ACSM3: variants seen among roughly 807,000 people sequenced by gnomAD.
ACSM3 encodes the protein acyl-coenzyme A synthetase ACSM3, mitochondrial.
Under a neutral mutation model 74.1 loss-of-function variants are expected in ACSM3, and 61 were observed. That is an observed-to-expected ratio of 0.82 (90% CI 0.67 to 1.02). The LOEUF (loss-of-function observed/expected upper bound fraction) is 1.02. Ranked by LOEUF, ACSM3 falls within the 50% of genes least tolerant of loss-of-function variation. The pLI, the probability that ACSM3 is intolerant of heterozygous loss-of-function variation, is 0.00. For synonymous variants in ACSM3, 213 were observed against 241.5 expected, an observed-to-expected ratio of 0.88 and a Z score of 1.09; for missense variants, 660 against 697.0, an observed-to-expected ratio of 0.95 and a Z score of 0.60.
In ACSM3 at chr16:20,782,381, T is replaced by C. The variant is rs555517974; in HGVS notation, c.1019+594T>C. On this transcript the variant is annotated intron_variant, in intron 7 of 13. Transcript: ENST00000289416. ...ACACTGTACTCAATGTATAGTCTTT[T>C]ATCCCTCACCCACCTCCCACCCTTT... 2.6e-5 allele frequency among the ~76,000 whole-genome samples: 4 copies of C among 152,288 alleles called. No homozygotes were observed. The South Asian group carries it at 8.3e-4, about 32-fold the overall frequency.
intron 1 of ACSM3, chr16:20,741,953 C>T (rs1021749842): frequency 4.6e-6 from 7 of 1,531,102 alleles, no homozygotes; most frequent in African/African-American, 1.4e-5. Context: ...CCTGCCCCGC[C>T]TCCCGACTGC....
chr16:20,730,863 T>G (rs34134130), intron 1 of ACSM3, among the ~76,000 whole-genome samples: 19,791 of 152,150 alleles, frequency 0.13, 1,348 homozygotes, highest in East Asian at 0.21. Flanking sequence ...TGTTTCATTT[T>G]GTTTTGTTTT....
At chr16:20,787,447 C>G (rs1351728689) in intron 9 of ACSM3, among the ~76,000 whole-genome samples, 1 of 152,164 alleles carries the variant, frequency 6.6e-6, no homozygotes, top group Non-Finnish European at 1.5e-5. Context: ...ATAAATGTTT[C>G]CCAAGCTTGT....
intron 1 of ACSM3, among the ~76,000 whole-genome samples, chr16:20,689,867 G>A (rs1331678045): frequency 3.3e-5 from 5 of 152,146 alleles, no homozygotes; most frequent in Non-Finnish European, 7.3e-5. Flanking sequence ...ATAATGGATT[G>A]TGAAATCAGA....
intron 7 of ACSM3, among the ~76,000 whole-genome samples, chr16:20,782,598 C>T (rs759376015): frequency 3.3e-5 from 5 of 152,200 alleles, no homozygotes; most frequent in Non-Finnish European, 7.3e-5. Flanking sequence ...TTCAGTCTGA[C>T]ATTATCTCCG....
chr16:20,706,336 T>C (rs894645196), intron 1 of ACSM3, among the ~76,000 whole-genome samples: 10 of 152,124 alleles, frequency 6.6e-5, no homozygotes, highest in African/African-American at 2.4e-4. Flanking sequence ...AAATGATACA[T>C]TACACATGTG....
At chr16:20,789,487 A>G (rs371865528) in intron 9 of ACSM3, 2 of 1,612,270 alleles carry the variant, frequency 1.2e-6, no homozygotes, top group African/African-American at 2.7e-5. Flanking sequence ...ACCATTGTCA[A>G]CCAGAGAATA....
At chr16:20,726,654 AG>A (rs1181005320) in intron 1 of ACSM3, among the ~76,000 whole-genome samples, 1 of 152,238 alleles carries the variant, frequency 6.6e-6, no homozygotes, top group South Asian at 2.1e-4. Context: ...AGTGGTTAAA[AG>A]CTAAGCTCAA....
At position 20,781,712 on chromosome 16, in the gene ACSM3, TC is replaced by T; in HGVS notation, c.945del (p.Ser316ProfsTer23). ...TTTGCTTTTTCTAAATTGCAGACAC[TC>T]TCCAAGTACCCCATCACAGTCTTCT... ...RFEPTSILQT[L>X]SKYPITVFCS... On this transcript the variant is annotated frameshift_variant, in exon 7 of 14. Transcript: ENST00000289416. LOFTEE classifies it high-confidence loss of function. The T allele has an allele frequency of 6.2e-7, 1 of 1,611,970 alleles. No individual in the cohort carries two copies. Among genetic ancestry groups the T allele is most frequent in the Non-Finnish European group, 8.5e-7 (1 of 1,178,082 alleles).
chr16:20,788,876 T>C (rs1422463188), intron 9 of ACSM3, among the ~76,000 whole-genome samples: 1 of 152,202 alleles, frequency 6.6e-6, no homozygotes, highest in African/African-American at 2.4e-5. Flanking sequence ...TATATTTTTT[T>C]ATTTGCAAGA....
At chr16:20,738,690 A>C (rs1271422949) in intron 1 of ACSM3, 4 of 574,278 alleles carry the variant, frequency 7.0e-6, no homozygotes, top group Admixed American at 3.2e-5. Flanking sequence ...GGAAGCAGCA[A>C]AGCCAGGTTT....
intron 2 of ACSM3, among the ~76,000 whole-genome samples, chr16:20,750,352 T>C (rs1465367455): frequency 6.6e-6 from 1 of 152,210 alleles, no homozygotes; most frequent in Non-Finnish European, 1.5e-5. Flanking sequence ...TTGGCTAATT[T>C]CTCAGGTCCC....
At position 20,796,574 on chromosome 16, in the gene ACSM3, T is replaced by C. The variant is rs1255105419; in HGVS notation, c.1674+85T>C. The C allele has an allele frequency of 2.5e-6, 4 of 1,582,488 alleles. No individual in the cohort carries two copies. The African/African-American group carries it at 4.1e-5, about 16-fold the overall frequency. ...TTTTTACATTTTAATGAATATTTTC[T>C]TCACACATGCTGCACCACATGTCCC... is the stretch of plus-strand genomic sequence containing the variant. On this transcript the variant is annotated intron_variant, in intron 13 of 13. Transcript: ENST00000289416.
intron 1 of ACSM3, among the ~76,000 whole-genome samples, chr16:20,724,224 A>G (rs1319318292): frequency 6.6e-6 from 1 of 152,226 alleles, no homozygotes; most frequent in African/African-American, 2.4e-5. Flanking sequence ...GGCTGGTTCA[A>G]CATACGAAAA....
chr16:20,796,718 AC>A, intron 13 of ACSM3, 167 bp from the exon 14 acceptor site: 1 of 1,488,270 alleles, frequency 6.7e-7, no homozygotes, highest in Non-Finnish European at 8.9e-7. Context: ...TAATATCAAG[AC>A]AACTTTCCTA....
chr16:20,764,491 G>T (rs1248226402), intron 1 of ACSM3, among the ~76,000 whole-genome samples: 1 of 152,132 alleles, frequency 6.6e-6, no homozygotes, highest in African/African-American at 2.4e-5. Context: ...GCTATGGTGG[G>T]CAGATGCAGA....
Position 20,775,924 on chromosome 16 carries a change from C to A in ACSM3, c.305C>A (p.Ser102Tyr). Residue 102 changes from serine (S) to tyrosine (Y), a missense_variant, in exon 3 of 14, where the codon TCT becomes TAT. Transcript: ENST00000289416. Reference sequence around the variant, plus strand: ...CGATGGAGTTTTGAGGAACTGGGATCTCTGTCCAGAAAATTTGCCAATATA... The same window carrying A: ...CGATGGAGTTTTGAGGAACTGGGATATCTGTCCAGAAAATTTGCCAATATA... ...EMRWSFEELG[S>Y]LSRKFANILS... 6.2e-7 allele frequency: 1 copy of A among 1,614,194 alleles called. No homozygotes were observed.
chr16:20,735,824 A>G (rs1213587793), intron 1 of ACSM3: 1 of 152,244 alleles, frequency 6.6e-6, no homozygotes, highest in Non-Finnish European at 1.5e-5. Flanking sequence ...ATCATATGAC[A>G]TATCATCAGT....
At chr16:20,778,385 C>T (rs1189813335) in intron 4 of ACSM3, among the ~76,000 whole-genome samples, 2 of 152,128 alleles carry the variant, frequency 1.3e-5, no homozygotes, top group Non-Finnish European at 2.9e-5. Context: ...TGGACTTTTC[C>T]TACCACATTT....
Sources: allele counts gnomAD v4.1 joint callset (sites outside exome capture counted in the v4.1 genomes callset), GRCh38; gene constraint gnomAD v4.1.1; transcripts MANE v1.5; gene names NCBI Gene and HGNC (gene_info 2026-07-23, HGNC 2026-07-21).